The following NUP35 variants were observed in gnomAD, a reference collection of about 807,000 sequenced individuals.
NUP35 encodes nucleoporin 35, also known as nucleoporin NUP35.
A neutral mutation model predicts 41.5 loss-of-function variants in NUP35; 25 were observed. That is an observed-to-expected ratio of 0.60 (90% CI 0.44 to 0.84). NUP35 has a LOEUF of 0.84. NUP35 is among the 40% of genes least tolerant of loss of function. NUP35 has a pLI of 0.00. For synonymous variants in NUP35, 149 were observed against 130.7 expected (o/e 1.14, Z -0.96); for missense variants, 396 against 396.6 (o/e 1.00, Z 0.01).
intron 1 of NUP35, among the ~76,000 whole-genome samples, chr2:183,127,154 C>T (rs1684519590): frequency 6.6e-6 from 1 of 152,046 alleles, no homozygotes; most frequent in Admixed American, 6.6e-5. Flanking sequence ...ATATAGCTCA[C>T]TCATCTTCAT....
chr2:183,119,695 G>T (rs1700039799), upstream of NUP35, among the ~76,000 whole-genome samples: 1 of 151,970 alleles, frequency 6.6e-6, no homozygotes, highest in Non-Finnish European at 1.5e-5. Flanking sequence ...TTGGAGGGGG[G>T]TGGGCAGGGA....
At chr2:183,152,110 A>AACACACACACACAC (rs67798004) in intron 5 of NUP35, among the ~76,000 whole-genome samples, 137 of 113,468 alleles carry the variant, frequency 1.2e-3, no homozygotes, top group African/African-American at 3.8e-3. Flanking sequence ...AACATTTACA[A>AACACACACACACAC]ACACACACAC....
At chr2:183,158,077 G>A (rs1333927357) in intron 6 of NUP35, among the ~76,000 whole-genome samples, 1 of 152,030 alleles carries the variant, frequency 6.6e-6, no homozygotes, top group African/African-American at 2.4e-5. Context: ...TACTTTCAGA[G>A]AATATGTACA....
chr2:183,128,178 G>T, intron 1 of NUP35, 109 bp from the exon 2 acceptor site: 1 of 697,608 alleles, frequency 1.4e-6, no homozygotes, highest in Non-Finnish European at 2.2e-6. Context: ...ATATCTAAAA[G>T]TTTTGATTAA....
At chr2:183,139,648 T>G (rs921355741) in intron 4 of NUP35, among the ~76,000 whole-genome samples, 1 of 152,060 alleles carries the variant, frequency 6.6e-6, no homozygotes, top group African/African-American at 2.4e-5. Context: ...AATTTGAAAC[T>G]GAAGAGGAAG....
upstream of NUP35, among the ~76,000 whole-genome samples, chr2:183,122,045 G>A (rs1490069571): frequency 1.3e-5 from 2 of 149,266 alleles, no homozygotes; most frequent in African/African-American, 4.9e-5. Context: ...CTACTTTACT[G>A]TTAATAGTTT....
intron 7 of NUP35, among the ~76,000 whole-genome samples, chr2:183,159,235 T>G (rs1197044522): frequency 3.3e-5 from 5 of 152,156 alleles, no homozygotes; most frequent in African/African-American, 1.2e-4. Context: ...TTTTAGGAAA[T>G]TCTTATTTTT....
chr2:183,117,796 T>C lies in NUP35; in HGVS notation c.-121+170T>C, dbSNP rs976877129. ...GTTGATGAATATTCAGTATATATGA[T>C]AGATATACAAGCAGTTTGGTGTGGA... On this transcript the variant is annotated intron_variant, in intron 1 of 9. Transcript: ENST00000409798. 5.7e-4 allele frequency among the ~76,000 whole-genome samples: 87 copies of C among 152,310 alleles called. 1 individual carries two copies. The highest frequency in any genetic ancestry group is 2.0e-3 in the African/African-American group (83 of 41,568).
At chr2:183,156,950 C>G (rs974146601) in intron 5 of NUP35, among the ~76,000 whole-genome samples, 2 of 152,084 alleles carry the variant, frequency 1.3e-5, no homozygotes, top group African/African-American at 4.8e-5. Flanking sequence ...TTAAGTGATT[C>G]TATACCATAA....
upstream of NUP35, among the ~76,000 whole-genome samples, chr2:183,122,863 C>A (rs1053333443): frequency 6.7e-6 from 1 of 149,488 alleles, no homozygotes; most frequent in African/African-American, 2.4e-5. Flanking sequence ...GATATCCATA[C>A]ACTAAGCTTT....
intron 7 of NUP35, among the ~76,000 whole-genome samples, chr2:183,159,134 G>A (rs1685777429): frequency 6.6e-6 from 1 of 152,110 alleles, no homozygotes; most frequent in Middle Eastern, 3.2e-3. Context: ...GAATATTTGG[G>A]GTAACTAAGT....
At chr2:183,143,750 T>C (rs1385956855) in intron 4 of NUP35, among the ~76,000 whole-genome samples, 1 of 152,168 alleles carries the variant, frequency 6.6e-6, no homozygotes, top group Non-Finnish European at 1.5e-5. Context: ...AGTCAGGAGT[T>C]TCTCACAGTA....
Position 183,157,484 on chromosome 2 carries a change from G to A in NUP35, c.580G>A (p.Ala194Thr). The A allele has an allele frequency of 2.5e-6, 4 of 1,612,434 alleles. No individual in the cohort carries two copies. The highest frequency in any genetic ancestry group is 2.5e-6 in the Non-Finnish European group (3 of 1,178,748). Residue 194 changes from alanine to threonine, a missense_variant, in exon 6 of 9, where the codon GCA (alanine) becomes ACA (threonine). Physicochemically the swap from Ala to Thr is moderately conservative, Grantham distance 58. Transcript: ENST00000295119. ...ASASYILLQF[A>T]QYGNILKHVM... ...TGCTTCCTACATATTACTACAATTT[G>A]CACAGTATGGGAATATCTTAAAACA...
chr2:183,130,784 G>T (rs78432199), intron 3 of NUP35, among the ~76,000 whole-genome samples: 7,041 of 152,242 alleles, frequency 0.046, 248 homozygotes, highest in South Asian at 0.15. Context: ...TTATAGGTAT[G>T]CCTTATCCAC....
chr2:183,146,306 G>T (rs1025606513), intron 4 of NUP35, among the ~76,000 whole-genome samples: 1 of 152,076 alleles, frequency 6.6e-6, no homozygotes, highest in East Asian at 1.9e-4. Flanking sequence ...AGACTCCTTT[G>T]AATTCAAATT....
chr2:183,153,314 C>T (rs1468188309), intron 5 of NUP35, among the ~76,000 whole-genome samples: 2 of 152,124 alleles, frequency 1.3e-5, no homozygotes, highest in South Asian at 2.1e-4. Flanking sequence ...CCCAACACAC[C>T]CCTGAAAGTC....
chr2:183,139,209 TTTC>T (rs757394965), intron 4 of NUP35, among the ~76,000 whole-genome samples: 13,642 of 69,856 alleles, frequency 0.2, 903 homozygotes, highest in South Asian at 0.25. Flanking sequence ...CATTTCTTTC[TTTC>T]TTTTTTTTTT....
chr2:183,159,557 A>G lies in NUP35; in HGVS notation c.808A>G (p.Thr270Ala). The G allele has an allele frequency of 6.2e-7, 1 of 1,613,448 alleles. No homozygotes were observed. Among genetic ancestry groups the G allele is most frequent in the Non-Finnish European group, 8.5e-7 (1 of 1,179,662 alleles). ...PSLAFTPPIKTLGTPTQPGST... is the reference protein window; with the variant it reads ...PSLAFTPPIKALGTPTQPGST... ...TTTAGCCTTTACACCACCAATCAAA[A>G]CTCTAGGTACACCAACACAACCTGG... is the stretch of plus-strand genomic sequence containing the variant. Residue 270 changes from threonine to alanine, a missense_variant, in exon 8 of 9, where the codon ACT becomes GCT. By Grantham distance (58) the Thr-to-Ala change is moderately conservative. Transcript: ENST00000295119.
upstream of NUP35, chr2:183,123,890 TATGTTTTA>T: frequency 2.4e-6 from 2 of 819,858 alleles, no homozygotes; most frequent in Non-Finnish European, 2.9e-6. Context: ...TATATTTTTG[TATGTTTTA>T]ATATGCAACA....
Sources: allele counts gnomAD v4.1 joint callset (sites outside exome capture counted in the v4.1 genomes callset), GRCh38; gene constraint gnomAD v4.1.1; transcripts MANE v1.5; gene names NCBI Gene and HGNC (gene_info 2026-07-23, HGNC 2026-07-21).